Variants in PTPRQ observed in about 807,000 individuals in gnomAD.
The protein encoded by PTPRQ is phosphatidylinositol phosphatase PTPRQ.
Under a neutral mutation model 246.0 loss-of-function variants are expected in PTPRQ, and 199 were observed. The ratio of observed to expected loss-of-function variants is 0.81; its 90% confidence interval spans 0.72 to 0.91. The LOEUF is 0.91. Ranked by LOEUF, PTPRQ falls within the 40% of genes least tolerant of loss-of-function variation. The pLI is 0.00. For synonymous variants in PTPRQ, 869 were observed against 853.2 expected, an observed-to-expected ratio of 1.02 and a Z score of -0.32; for missense variants, 2,624 against 2,528.4, an observed-to-expected ratio of 1.04 and a Z score of -0.81.
At chr12:80,639,603 C>A (rs1217239107) in intron 35 of PTPRQ, among the ~76,000 whole-genome samples, 1 of 152,176 alleles carries the variant, frequency 6.6e-6, no homozygotes, top group African/African-American at 2.4e-5. Flanking sequence ...TTTCTTTCTT[C>A]AGTAACTTCA....
chr12:80,554,602 C>T (rs73150738), intron 25 of PTPRQ, among the ~76,000 whole-genome samples: 3,925 of 152,176 alleles, frequency 0.026, 75 homozygotes, highest in Non-Finnish European at 0.038. Context: ...TTCTTTTCTG[C>T]AGTGATTTCT....
chr12:80,645,629 A>G (rs553692914), intron 35 of PTPRQ, among the ~76,000 whole-genome samples: 99 of 152,064 alleles, frequency 6.5e-4, no homozygotes, highest in African/African-American at 2.4e-3. Context: ...TTAAATAGCC[A>G]TAATACAACA....
chr12:80,507,650 C>G (rs1297000642), intron 16 of PTPRQ, among the ~76,000 whole-genome samples: 1 of 151,936 alleles, frequency 6.6e-6, no homozygotes, highest in Non-Finnish European at 1.5e-5. Context: ...TTGGCTAGGG[C>G]TGTCTGTGTT....
intron 26 of PTPRQ, among the ~76,000 whole-genome samples, chr12:80,596,421 GT>G (rs201475354): frequency 2.7e-5 from 4 of 150,842 alleles, no homozygotes; most frequent in Admixed American, 1.3e-4. Flanking sequence ...GATTATCACT[GT>G]TTTTTTTTAA....
chr12:80,632,049 A>G, intron 33 of PTPRQ, 143 bp from the exon 34 acceptor site: 1 of 1,148,084 alleles, frequency 8.7e-7, no homozygotes, highest in Non-Finnish European at 1.2e-6. Flanking sequence ...CTAGGAGAAG[A>G]GGAACAAACA....
In PTPRQ at chr12:80,460,726, G is replaced by A. The variant is rs935515285; in HGVS notation, c.734G>A (p.Arg245His). ...CTTGGTAGAGTTACACCTCCATCGC[G>A]TACCACACATTCATCAAGCACGTTG... is the stretch of plus-strand genomic sequence containing the variant. ...PTLGRVTPPS[R>H]TTHSSSTLTQ... Residue 245 changes from arginine (R) to histidine (H), a missense_variant, in exon 6 of 45, where the codon CGT (arginine) becomes CAT (histidine). Coordinates refer to ENST00000644991, the MANE Select transcript of PTPRQ (RefSeq NM_001145026.2). 9 of 399,746 alleles carry A rather than the reference G, an allele frequency of 2.3e-5. No homozygotes were observed. Among genetic ancestry groups the A allele is most frequent in the Middle Eastern group, 3.8e-4 (1 of 2,660 alleles). The allele number at this position is 399,746 out of a possible 1,614,324, so 24.8% of individuals were successfully genotyped here.
intron 25 of PTPRQ, among the ~76,000 whole-genome samples, chr12:80,582,460 G>A (rs1194734620): frequency 6.6e-6 from 1 of 152,112 alleles, no homozygotes; most frequent in Non-Finnish European, 1.5e-5. Flanking sequence ...GCCTTTCAGA[G>A]GTAATTAGGT....
intron 26 of PTPRQ, among the ~76,000 whole-genome samples, chr12:80,591,457 A>C (rs939279996): frequency 6.6e-6 from 1 of 152,104 alleles, no homozygotes. Context: ...AATAGTTCCC[A>C]GTACCAGTAG....
chr12:80,594,475 A>G (rs12314004), intron 26 of PTPRQ, among the ~76,000 whole-genome samples: 5,780 of 152,196 alleles, frequency 0.038, 341 homozygotes, highest in African/African-American at 0.12. Context: ...TAAATTAGTT[A>G]CACAGGACTC....
chr12:80,639,143 A>G (rs1438041468), intron 35 of PTPRQ, among the ~76,000 whole-genome samples: 1 of 152,188 alleles, frequency 6.6e-6, no homozygotes, highest in Non-Finnish European at 1.5e-5. Flanking sequence ...GATTGCCTTT[A>G]ACTACTTTAA....
chr12:80,478,834 T>C (rs1395529863), intron 8 of PTPRQ, among the ~76,000 whole-genome samples: 1 of 151,974 alleles, frequency 6.6e-6, no homozygotes. Context: ...GAAAAATGAA[T>C]AAAAAGAAAT....
intron 9 of PTPRQ, among the ~76,000 whole-genome samples, chr12:80,485,700 C>A (rs1277881549): frequency 3.9e-5 from 6 of 152,068 alleles, no homozygotes; most frequent in Non-Finnish European, 8.8e-5. Context: ...TTCTGTGATA[C>A]TCTGGTTGAC....
intron 17 of PTPRQ, among the ~76,000 whole-genome samples, chr12:80,529,697 A>T (rs572864139): frequency 6.6e-6 from 1 of 152,266 alleles, no homozygotes; most frequent in East Asian, 1.9e-4. Context: ...ATTAATTAGG[A>T]AATAACTTCA....
At chr12:80,551,278 T>C (rs533335459) in intron 25 of PTPRQ, among the ~76,000 whole-genome samples, 4 of 152,238 alleles carry the variant, frequency 2.6e-5, no homozygotes, top group African/African-American at 9.6e-5. Flanking sequence ...CCAAGCCTCA[T>C]AGTTTTATAC....
rs558385392 is a variant in PTPRQ, at chr12:80,468,303, T to A, written c.911-407T>A. Among the ~76,000 whole-genome samples, 8 of 152,308 alleles carry A rather than the reference T, an allele frequency of 5.3e-5. No individual in the cohort carries two copies. The South Asian group carries it at 1.7e-3, about 32-fold the overall frequency. On this transcript the variant is annotated intron_variant, in intron 6 of 44. Coordinates refer to ENST00000644991, the MANE Select transcript of PTPRQ (RefSeq NM_001145026.2). Reference sequence around the variant, plus strand: ...GGGTCATTTTCTTGAAACTTCTACCTGTGTTAATAAGAGAGAAAATGTTTA... The same window carrying A: ...GGGTCATTTTCTTGAAACTTCTACCAGTGTTAATAAGAGAGAAAATGTTTA...
Position 80,611,021 on chromosome 12 carries a change from C to T in PTPRQ, c.4918+396C>T, listed in dbSNP as rs541433568. Among the ~76,000 whole-genome samples the T allele has an allele frequency of 1.9e-4, 29 of 150,430 alleles. No individual in the cohort carries two copies. The East Asian group carries it at 3.3e-3, about 17-fold the overall frequency. ...TCCCATTATTTGAATGAATATTAAACTTGTAATACTCTGTGAGTATTAAAT... is the reference window on the plus strand; with the variant it reads ...TCCCATTATTTGAATGAATATTAAATTTGTAATACTCTGTGAGTATTAAAT... On this transcript the variant is annotated intron_variant, in intron 28 of 44. Coordinates refer to ENST00000644991, the MANE Select transcript of PTPRQ (RefSeq NM_001145026.2).
In PTPRQ at chr12:80,573,811, A is replaced by T. The variant is rs1897214121; in HGVS notation, c.4286-14318A>T. ...AAATAACCAACTTTTATATTAATTA[A>T]TGTTCTCTATTGTTTTTGTGCTTTC... On this transcript the variant is annotated intron_variant, in intron 25 of 44. Coordinates refer to ENST00000644991, the MANE Select transcript of PTPRQ (RefSeq NM_001145026.2). Among the ~76,000 whole-genome samples, 3 of 152,098 alleles carry T rather than the reference A, an allele frequency of 2.0e-5. No homozygotes were observed. The South Asian group carries it at 6.2e-4, about 31-fold the overall frequency.
intron 8 of PTPRQ, among the ~76,000 whole-genome samples, chr12:80,479,757 A>G (rs1317114149): frequency 6.6e-6 from 1 of 151,728 alleles, no homozygotes; most frequent in African/African-American, 2.4e-5. Context: ...CTTTAAACCA[A>G]TAAAGATCAA....
At chr12:80,586,875 G>A (rs1028143235) in intron 25 of PTPRQ, 12 of 152,134 alleles carry the variant, frequency 7.9e-5, no homozygotes, top group Non-Finnish European at 5.9e-5. Context: ...ATTGTGTTAG[G>A]TATTGTAAAT....
Sources: allele counts gnomAD v4.1 joint callset (sites outside exome capture counted in the v4.1 genomes callset), GRCh38; gene constraint gnomAD v4.1.1; transcripts MANE v1.5; gene names NCBI Gene and HGNC (gene_info 2026-07-23, HGNC 2026-07-21).